Variants in NCAM1 observed in about 807,000 individuals in gnomAD.
NCAM1 encodes the protein neural cell adhesion molecule 1, also known as antigen recognized by monoclonal antibody 5.1H11.
In NCAM1, 14 loss-of-function variants were observed where a neutral mutation model predicts 109.8. The observed-to-expected ratio is 0.13, with a 90% CI of 0.08 to 0.20. The LOEUF (loss-of-function observed/expected upper bound fraction) is 0.20. Among genes scored for constraint, NCAM1 ranks in the 10% least tolerant of loss-of-function variants. The pLI, the probability that NCAM1 is intolerant of heterozygous loss-of-function variation, is 1.00. For synonymous variants in NCAM1, 418 were observed against 442.9 expected, an observed-to-expected ratio of 0.94 and a Z score of 0.70; for missense variants, 774 against 1,109.9, an observed-to-expected ratio of 0.70 and a Z score of 4.30.
chr11:113,080,060 C>T (rs1245114), intron 1 of NCAM1, among the ~76,000 whole-genome samples: 80,352 of 151,934 alleles, frequency 0.53, 21,959 homozygotes, highest in Middle Eastern at 0.58. Context: ...TACAGAGAAC[C>T]GTCTGAGATA....
intron 1 of NCAM1, among the ~76,000 whole-genome samples, chr11:112,974,911 T>C (rs1950968452): frequency 6.6e-6 from 1 of 151,992 alleles, no homozygotes; most frequent in Non-Finnish European, 1.5e-5. Flanking sequence ...CAGAACCCAC[T>C]GATGACCTAT....
intron 1 of NCAM1, among the ~76,000 whole-genome samples, chr11:113,046,311 G>A (rs782033183): frequency 3.0e-4 from 45 of 152,192 alleles, no homozygotes; most frequent in African/African-American, 8.4e-4. Flanking sequence ...CACAGAGCTC[G>A]TAAGAGAGGA....
At chr11:113,055,407 G>C (rs1205984271) in intron 1 of NCAM1, among the ~76,000 whole-genome samples, 1 of 152,160 alleles carries the variant, frequency 6.6e-6, no homozygotes, top group Non-Finnish European at 1.5e-5. Context: ...CTTGGTATTT[G>C]CACCCAAACC....
At chr11:113,045,127 G>A (rs1353755248) in intron 1 of NCAM1, among the ~76,000 whole-genome samples, 3 of 152,140 alleles carry the variant, frequency 2.0e-5, no homozygotes, top group Non-Finnish European at 4.4e-5. Context: ...TAGTGTATTC[G>A]TTAAACACAT....
intron 8 of NCAM1, among the ~76,000 whole-genome samples, chr11:113,215,291 AT>A (rs1169646072): frequency 6.6e-6 from 1 of 152,190 alleles, no homozygotes; most frequent in Non-Finnish European, 1.5e-5. Flanking sequence ...AAAAAGCTTC[AT>A]TTTAATGCAA....
intron 1 of NCAM1, among the ~76,000 whole-genome samples, chr11:113,132,738 C>T (rs1941447260): frequency 6.6e-6 from 1 of 151,564 alleles, no homozygotes; most frequent in African/African-American, 2.4e-5. Flanking sequence ...TGAACACTGT[C>T]CATTTCCCCT....
rs1323770708 is a variant in NCAM1, at chr11:113,207,387, C to G, written c.746+9C>G. 1.2e-6 allele frequency: 2 copies of G among 1,601,650 alleles called. No homozygotes were observed. Among genetic ancestry groups the G allele is most frequent in the Non-Finnish European group, 1.7e-6 (2 of 1,168,914 alleles). ...ACCATGAGCTGGACAAAGTAAGAAA[C>G]TGGCTCATACCTTTTATCATGGACT... is the stretch of plus-strand genomic sequence containing the variant. On this transcript the variant is annotated intron_variant, in intron 6 of 19. Coordinates refer to ENST00000316851, the MANE Select transcript of NCAM1 (RefSeq NM_181351.5).
intron 1 of NCAM1, among the ~76,000 whole-genome samples, chr11:113,000,852 A>AC (rs10674731): frequency 0.1 from 244 of 2,402 alleles, no homozygotes; most frequent in Middle Eastern, 0.25. Context: ...ATATATACAC[A>AC]AAAAATATAT....
At chr11:113,221,826 A>G (rs1193535842) in intron 9 of NCAM1, 3 of 153,830 alleles carry the variant, frequency 2.0e-5, no homozygotes, top group African/African-American at 7.2e-5. Flanking sequence ...AATGCAAATG[A>G]CATCTCTCGT....
At chr11:113,095,310 G>A (rs1555090134) in intron 1 of NCAM1, among the ~76,000 whole-genome samples, 1 of 152,086 alleles carries the variant, frequency 6.6e-6, no homozygotes, top group Non-Finnish European at 1.5e-5. Context: ...TGCTGTAATA[G>A]AATGCGTGTG....
chr11:113,069,627 G>C (rs1938164457), intron 1 of NCAM1, among the ~76,000 whole-genome samples: 1 of 152,132 alleles, frequency 6.6e-6, no homozygotes, highest in African/African-American at 2.4e-5. Context: ...AAAGAGGCAG[G>C]TGCAAGTTTT....
intron 1 of NCAM1, among the ~76,000 whole-genome samples, chr11:113,153,772 G>A (rs1477990235): frequency 6.6e-6 from 1 of 152,156 alleles, no homozygotes; most frequent in African/African-American, 2.4e-5. Context: ...CACAGAAAGT[G>A]GGAAGCTCAC....
chr11:113,198,992 C>T (rs1943944824), intron 1 of NCAM1, among the ~76,000 whole-genome samples: 1 of 152,054 alleles, frequency 6.6e-6, no homozygotes, highest in Admixed American at 6.6e-5. Context: ...CAAAAGAGGG[C>T]TTGGGGGATG....
At chr11:112,966,820 T>TTA (rs1950739976) in intron 1 of NCAM1, among the ~76,000 whole-genome samples, 2 of 152,246 alleles carry the variant, frequency 1.3e-5, no homozygotes, top group Non-Finnish European at 2.9e-5. Context: ...AGGCCATGTC[T>TTA]ACATGCAGCC....
At chr11:112,969,662 A>G (rs1054764586) in intron 1 of NCAM1, among the ~76,000 whole-genome samples, 1 of 152,130 alleles carries the variant, frequency 6.6e-6, no homozygotes, top group Non-Finnish European at 1.5e-5. Flanking sequence ...GATATAAAGT[A>G]TGTACTCATT....
chr11:112,972,168 T>C (rs939398039), intron 1 of NCAM1, among the ~76,000 whole-genome samples: 3 of 152,140 alleles, frequency 2.0e-5, no homozygotes, highest in Admixed American at 2.0e-4. Context: ...AGGAAGAATT[T>C]ATCTCCGCTG....
At chr11:113,257,535 C>G (rs1555122550) in intron 16 of NCAM1, among the ~76,000 whole-genome samples, 1 of 152,184 alleles carries the variant, frequency 6.6e-6, no homozygotes, top group Non-Finnish European at 1.5e-5. Context: ...CAGGCTGGAA[C>G]CATCTCCCGT....
At chr11:113,226,670 A>G (rs1555116291) in intron 9 of NCAM1, among the ~76,000 whole-genome samples, 1 of 152,232 alleles carries the variant, frequency 6.6e-6, no homozygotes, top group African/African-American at 2.4e-5. Context: ...AATTGACCAC[A>G]TAGTTGGAAG....
intron 1 of NCAM1, among the ~76,000 whole-genome samples, chr11:113,166,444 G>A (rs1331085045): frequency 6.6e-6 from 1 of 152,218 alleles, no homozygotes; most frequent in African/African-American, 2.4e-5. Context: ...CAGTGGAATA[G>A]CTGTTTGACC....
Sources: gnomAD v4.1 joint callset for allele counts (sites outside exome capture counted in the v4.1 genomes callset) on GRCh38, gnomAD v4.1.1 for gene constraint, MANE v1.5 for transcripts, NCBI Gene and HGNC (gene_info 2026-07-23, HGNC 2026-07-21) for gene names.